The following RUFY2 variants were observed in gnomAD, a reference collection of about 807,000 sequenced individuals.
RUFY2 encodes RUN and FYVE domain containing 2, also known as RUN and FYVE domain-containing protein 2.
In RUFY2, 49 loss-of-function variants were observed where a neutral mutation model predicts 94.4. The observed-to-expected ratio is 0.52, with a 90% CI of 0.41 to 0.66. The LOEUF (loss-of-function observed/expected upper bound fraction) is 0.66. Among genes scored for constraint, RUFY2 ranks in the 30% least tolerant of loss-of-function variants. The pLI is 0.00. For missense variants in RUFY2, 541 were observed against 692.8 expected, an observed-to-expected ratio of 0.78 and a Z score of 2.46; for synonymous variants, 255 against 235.7, an observed-to-expected ratio of 1.08 and a Z score of -0.75.
chr10:68,397,880 G>A (rs112153952), intron 3 of RUFY2, among the ~76,000 whole-genome samples: 136 of 152,128 alleles, frequency 8.9e-4, no homozygotes, highest in African/African-American at 3.1e-3. Flanking sequence ...TGTAATCCCA[G>A]CACTTTGGGA....
intron 2 of RUFY2, among the ~76,000 whole-genome samples, chr10:68,403,497 C>G (rs139186966): frequency 0.029 from 4,456 of 152,200 alleles, 214 homozygotes; most frequent in African/African-American, 0.1. Flanking sequence ...AGTGACCCAC[C>G]CACCTCAGCC....
At chr10:68,358,550 G>T (rs541923837) in intron 15 of RUFY2, among the ~76,000 whole-genome samples, 2 of 152,336 alleles carry the variant, frequency 1.3e-5, no homozygotes, top group South Asian at 4.1e-4. Context: ...CAACAGTGAT[G>T]ATTTAATTAT....
Position 68,343,838 on chromosome 10 carries a change from G to C in RUFY2, c.*1930C>G, listed in dbSNP as rs1191434701. Reference sequence around the variant, plus strand: ...AAAAAAAAAAAAAAAAAAAAAGCAAGTCAGTCAGTGTTGATACATGAGTTT... The same window carrying C: ...AAAAAAAAAAAAAAAAAAAAAGCAACTCAGTCAGTGTTGATACATGAGTTT... On this transcript the variant is annotated 3_prime_UTR_variant, in exon 18 of 18. Coordinates refer to ENST00000602465, the MANE Select transcript of RUFY2 (RefSeq NM_001330103.2). The C allele has an allele frequency of 7.9e-6, 1 of 126,598 alleles. No individual in the cohort carries two copies. Among genetic ancestry groups the C allele is most frequent in the African/African-American group, 3.0e-5 (1 of 32,984 alleles). 7.8% of individuals were successfully genotyped at this position (126,598 alleles called of 1,614,324 possible). A position where few individuals can be genotyped will look rare whatever the true frequency, so the allele number is the denominator to read the frequency against.
In RUFY2 at chr10:68,343,815, A is replaced by AAAAAAAAAAAAAAAAAAAC. The variant is rs2046117638; in HGVS notation, c.*1952_*1953insGTTTTTTTTTTTTTTTTTT. 8.4e-6 allele frequency: 1 copy of AAAAAAAAAAAAAAAAAAAC among 119,676 alleles called. No individual in the cohort carries two copies. Among genetic ancestry groups the AAAAAAAAAAAAAAAAAAAC allele is most frequent in the African/African-American group, 2.8e-5 (1 of 35,950 alleles). 7.4% of individuals were successfully genotyped at this position (119,676 alleles called of 1,614,324 possible). A position where few individuals can be genotyped will look rare whatever the true frequency, so the allele number is the denominator to read the frequency against. On this transcript the variant is annotated 3_prime_UTR_variant, in exon 18 of 18. Coordinates refer to ENST00000602465, the MANE Select transcript of RUFY2 (RefSeq NM_001330103.2). ...GCTGTCATAAAAGCTGCCTAAAAAA[A>AAAAAAAAAAAAAAAAAAAC]AAAAAAAAAAAAAAAAAAGCAAGTC...
intron 16 of RUFY2, among the ~76,000 whole-genome samples, chr10:68,353,034 A>G (rs1357751852): frequency 6.6e-6 from 1 of 151,200 alleles, no homozygotes. Flanking sequence ...TAATCATAAT[A>G]AAAAATTCAG....
rs1286747996 is a variant in RUFY2, at chr10:68,343,664, CTG to C, written c.*2102_*2103del. 6.6e-6 allele frequency: 1 copy of C among 152,338 alleles called. No homozygotes were observed. The highest frequency in any genetic ancestry group is 1.9e-4 in the East Asian group (1 of 5,196). The allele number at this position is 152,338 out of a possible 1,614,324, so 9.4% of individuals were successfully genotyped here. A position where few individuals can be genotyped will look rare whatever the true frequency, so the allele number is the denominator to read the frequency against. On this transcript the variant is annotated 3_prime_UTR_variant, in exon 18 of 18. Coordinates refer to ENST00000602465, the MANE Select transcript of RUFY2 (RefSeq NM_001330103.2). Reference sequence around the variant, plus strand: ...TAGGTGAGGGAATGGTATGTTAAGTCTGTTTTTGAAAAGTAAAATGAATACGA... The same window carrying C: ...TAGGTGAGGGAATGGTATGTTAAGTCTTTTTGAAAAGTAAAATGAATACGA...
At chr10:68,376,295 C>A (rs1457639876) in intron 13 of RUFY2, among the ~76,000 whole-genome samples, 1 of 148,334 alleles carries the variant, frequency 6.7e-6, no homozygotes, top group African/African-American at 2.5e-5. Flanking sequence ...GGCGTGGTGG[C>A]AGGCACCTGT....
chr10:68,378,493 C>T (rs1052749657), intron 12 of RUFY2: 3 of 1,377,036 alleles, frequency 2.2e-6, no homozygotes, highest in Non-Finnish European at 1.9e-6. Context: ...ATTTAGATTC[C>T]TTTCTATTTA....
downstream of RUFY2, chr10:68,342,563 T>C (rs763306540): frequency 3.3e-5 from 5 of 152,496 alleles, no homozygotes; most frequent in Non-Finnish European, 5.9e-5. Context: ...TATTTCTATA[T>C]TATTATTTTT....
intron 15 of RUFY2, among the ~76,000 whole-genome samples, chr10:68,359,309 T>C (rs1320238494): frequency 1.5e-5 from 2 of 131,712 alleles, no homozygotes; most frequent in East Asian, 2.2e-4. Flanking sequence ...TATACATATA[T>C]ACGTATATAT....
intron 13 of RUFY2, among the ~76,000 whole-genome samples, chr10:68,374,337 T>A (rs116480797): frequency 0.047 from 7,099 of 151,762 alleles, 420 homozygotes; most frequent in African/African-American, 0.14. Context: ...TGGAAAAATA[T>A]ACACTTTAAT....
intron 16 of RUFY2, among the ~76,000 whole-genome samples, chr10:68,353,832 A>T (rs995347620): frequency 6.6e-6 from 1 of 151,650 alleles, no homozygotes; most frequent in African/African-American, 2.4e-5. Context: ...ATAAATAAAA[A>T]ATATATATAT....
chr10:68,385,885 A>T (rs992142473), intron 8 of RUFY2, among the ~76,000 whole-genome samples, 174 bp downstream of exon 8: 10 of 152,198 alleles, frequency 6.6e-5, no homozygotes, highest in African/African-American at 2.4e-4. Flanking sequence ...TTTGCCTAAG[A>T]ATATATGGTT....
At chr10:68,388,647 C>T (rs1469808029) in intron 7 of RUFY2, among the ~76,000 whole-genome samples, 1 of 151,910 alleles carries the variant, frequency 6.6e-6, no homozygotes, top group African/African-American at 2.4e-5. Flanking sequence ...CCAGCCTGGG[C>T]AACATGGTGA....
chr10:68,399,157 C>T (rs528856474), intron 3 of RUFY2, among the ~76,000 whole-genome samples: 7 of 152,048 alleles, frequency 4.6e-5, no homozygotes, highest in Non-Finnish European at 1.0e-4. Flanking sequence ...AATTATCCTG[C>T]CTCAGCCTCC....
At chr10:68,403,412 G>A (rs1456912600) in intron 2 of RUFY2, among the ~76,000 whole-genome samples, 1 of 151,004 alleles carries the variant, frequency 6.6e-6, no homozygotes, top group Non-Finnish European at 1.5e-5. Flanking sequence ...CCACCAGCCT[G>A]GCTAATTTTT....
At chr10:68,377,940 T>C (rs1392457263) in intron 12 of RUFY2, 1 of 985,264 alleles carries the variant, frequency 1.0e-6, no homozygotes, top group Non-Finnish European at 1.2e-6. Flanking sequence ...GAGAGTAACA[T>C]TTAAGTTATC....
intron 6 of RUFY2, among the ~76,000 whole-genome samples, chr10:68,393,533 G>T (rs2050156719): frequency 6.6e-6 from 1 of 152,042 alleles, no homozygotes; most frequent in African/African-American, 2.4e-5. Flanking sequence ...TTCAAAACCA[G>T]TCTGGCCAAC....
intron 3 of RUFY2, among the ~76,000 whole-genome samples, chr10:68,400,874 G>T (rs897582327): frequency 1.3e-5 from 2 of 150,814 alleles, no homozygotes; most frequent in Non-Finnish European, 3.0e-5. Context: ...TTAGCCGGGC[G>T]TGGTGGCGGG....
Sources: allele counts gnomAD v4.1 joint callset (sites outside exome capture counted in the v4.1 genomes callset), GRCh38; gene constraint gnomAD v4.1.1; transcripts MANE v1.5; gene names NCBI Gene and HGNC (gene_info 2026-07-23, HGNC 2026-07-21).